The following ITPK1 variants were observed in gnomAD, a reference collection of about 807,000 sequenced individuals.
ITPK1 encodes the protein inositol 1,3,4-trisphosphate 5/6-kinase.
A neutral mutation model predicts 45.3 loss-of-function variants in ITPK1; 21 were observed. The observed-to-expected ratio is 0.46, with a 90% CI of 0.33 to 0.67. ITPK1 has a LOEUF of 0.67. ITPK1 is among the 30% of genes least tolerant of loss of function. The probability of loss-of-function intolerance (pLI) is 0.02; values close to 1 mark genes in which losing one functional copy is unlikely to be tolerated. For synonymous variants in ITPK1, 258 were observed against 253.6 expected (o/e 1.02, Z -0.16); for missense variants, 474 against 573.5 (o/e 0.83, Z 1.77).
intron 3 of ITPK1, among the ~76,000 whole-genome samples, chr14:93,060,731 G>A (rs1409887479): frequency 6.6e-6 from 1 of 152,174 alleles, no homozygotes; most frequent in Non-Finnish European, 1.5e-5. Context: ...AAGAGCCTAG[G>A]CCATAGGCAA....
intron 9 of ITPK1, among the ~76,000 whole-genome samples, chr14:92,948,161 C>T (rs758049157): frequency 2.0e-5 from 3 of 152,006 alleles, no homozygotes; most frequent in Admixed American, 6.5e-5. Flanking sequence ...GAGACAGCAA[C>T]GAGCTCAGCG....
intron 4 of ITPK1, among the ~76,000 whole-genome samples, chr14:93,003,060 G>A (rs1334346463): frequency 6.6e-6 from 1 of 152,248 alleles, no homozygotes; most frequent in Non-Finnish European, 1.5e-5. Flanking sequence ...GGCGCAGGGG[G>A]AAGAGCGTGT....
intron 5 of ITPK1, among the ~76,000 whole-genome samples, chr14:92,971,231 T>C (rs949476115): frequency 6.6e-6 from 1 of 152,222 alleles, no homozygotes; most frequent in Admixed American, 6.5e-5. Flanking sequence ...GGACCTGGGC[T>C]GTCTGGGTTT....
chr14:93,095,783 T>C (rs144140416), intron 2 of ITPK1, among the ~76,000 whole-genome samples: 2 of 151,784 alleles, frequency 1.3e-5, no homozygotes, highest in Non-Finnish European at 2.9e-5. Context: ...GTGTTGACTC[T>C]TCCCATCTTT....
chr14:93,099,692 T>TGCAGCC (rs1285851638), intron 2 of ITPK1, among the ~76,000 whole-genome samples: 1 of 152,180 alleles, frequency 6.6e-6, no homozygotes. Context: ...GGGCTGCCCA[T>TGCAGCC]GCAGCCACAG....
At chr14:93,077,143 G>A (rs887596103) in intron 2 of ITPK1, among the ~76,000 whole-genome samples, 7 of 152,056 alleles carry the variant, frequency 4.6e-5, no homozygotes, top group African/African-American at 7.2e-5. Flanking sequence ...CCCTGGCCTC[G>A]CCAACAGCCT....
chr14:93,101,890 C>T (rs1892335941), intron 2 of ITPK1, among the ~76,000 whole-genome samples: 2 of 152,158 alleles, frequency 1.3e-5, no homozygotes, highest in Non-Finnish European at 2.9e-5. Flanking sequence ...CCTCTCTGAG[C>T]CTCAGTCTCC....
intron 3 of ITPK1, among the ~76,000 whole-genome samples, chr14:93,017,515 C>T (rs908462143): frequency 6.6e-6 from 1 of 152,262 alleles, no homozygotes; most frequent in Non-Finnish European, 1.5e-5. Context: ...CTCTGGCCAA[C>T]AGTCAGCGTC....
Position 93,063,959 on chromosome 14 carries a change from C to T in ITPK1, c.120+12636G>A, listed in dbSNP as rs777505153. 3.3e-5 allele frequency among the ~76,000 whole-genome samples: 5 copies of T among 152,114 alleles called. No homozygotes were observed. Among genetic ancestry groups the T allele is most frequent in the Non-Finnish European group, 7.4e-5 (5 of 68,026 alleles). On this transcript the variant is annotated intron_variant, in intron 3 of 10. Coordinates refer to ENST00000267615, the MANE Select transcript of ITPK1 (RefSeq NM_014216.6). The surrounding 1 kb of genome is among the most constrained non-coding windows in gnomAD (Gnocchi z 4.3). ...CTGAAGCAATCCTACTAGGTGCTTACTGCCCAGACAACAGGGCTGGTGACC... is the reference window on the plus strand; with the variant it reads ...CTGAAGCAATCCTACTAGGTGCTTATTGCCCAGACAACAGGGCTGGTGACC...
At chr14:93,082,728 A>G (rs8018398) in intron 2 of ITPK1, among the ~76,000 whole-genome samples, 34,328 of 152,228 alleles carry the variant, frequency 0.23, 5,326 homozygotes, top group African/African-American at 0.44. Flanking sequence ...ACCCAAGCCA[A>G]GCCGGTCCTG....
At chr14:92,952,067 C>T (rs1190702637) in intron 8 of ITPK1, 54 bp from the exon 9 acceptor site, 2 of 1,375,588 alleles carry the variant, frequency 1.5e-6, no homozygotes, top group South Asian at 2.5e-5. Flanking sequence ...AGGGACCACA[C>T]TGCCGCCACC....
intron 5 of ITPK1, among the ~76,000 whole-genome samples, chr14:92,985,758 G>A (rs1355872071): frequency 2.0e-5 from 3 of 152,002 alleles, no homozygotes; most frequent in Non-Finnish European, 4.4e-5. Flanking sequence ...AATGCAAGTT[G>A]AGAAACACAG....
At chr14:93,024,459 C>A (rs1228850540) in intron 3 of ITPK1, among the ~76,000 whole-genome samples, 10 of 152,196 alleles carry the variant, frequency 6.6e-5, no homozygotes, top group African/African-American at 2.4e-4. Context: ...ACAGCCAGGG[C>A]CAGCCATCGA....
rs1228363843 is a variant in ITPK1, at chr14:93,067,507, C to T, written c.120+9088G>A. 3.9e-5 allele frequency: 6 copies of T among 151,992 alleles called. No individual in the cohort carries two copies. The East Asian group carries it at 9.6e-4, about 24-fold the overall frequency. 9.4% of individuals were successfully genotyped at this position (151,992 alleles called of 1,614,324 possible). ...TCACCCTAGAACTGAGTGCCACAGG[C>T]TTCGGAAGCTGCACAAGACTGCAAC... On this transcript the variant is annotated intron_variant, in intron 3 of 10. Transcript: ENST00000267615.
At chr14:93,041,471 A>G (rs1889558887) in intron 3 of ITPK1, among the ~76,000 whole-genome samples, 1 of 152,108 alleles carries the variant, frequency 6.6e-6, no homozygotes, top group African/African-American at 2.4e-5. Context: ...GCAGCAAGGG[A>G]CCTCACTAAA....
intron 5 of ITPK1, among the ~76,000 whole-genome samples, chr14:92,991,347 T>A (rs1043755184): frequency 6.6e-6 from 1 of 152,054 alleles, no homozygotes; most frequent in Non-Finnish European, 1.5e-5. Flanking sequence ...ACCGCCCTCC[T>A]GGAAGAATAC....
intron 2 of ITPK1, among the ~76,000 whole-genome samples, chr14:93,091,241 C>T (rs1891854668): frequency 6.6e-6 from 1 of 152,214 alleles, no homozygotes; most frequent in African/African-American, 2.4e-5. Flanking sequence ...GTGATTACAG[C>T]GTCAGCCCAA....
intron 4 of ITPK1, among the ~76,000 whole-genome samples, chr14:93,001,568 G>C (rs1459758608): frequency 2.3e-4 from 35 of 152,090 alleles, no homozygotes; most frequent in Admixed American, 2.3e-3. Context: ...GGCGAACCCA[G>C]CGTGCCACAC....
At chr14:92,979,987 G>A (rs1053388718) in intron 5 of ITPK1, among the ~76,000 whole-genome samples, 3 of 152,012 alleles carry the variant, frequency 2.0e-5, no homozygotes, top group African/African-American at 7.3e-5. Flanking sequence ...TCCCATGTTG[G>A]CCAGGCTGGT....
Sources: gnomAD v4.1 joint callset for allele counts (sites outside exome capture counted in the v4.1 genomes callset) on GRCh38, gnomAD v4.1.1 for gene constraint, Gnocchi (gnomAD v3.1) non-coding constraint, MANE v1.5 for transcripts, NCBI Gene and HGNC (gene_info 2026-07-23, HGNC 2026-07-21) for gene names.